The following ANKRD11 variants were observed in gnomAD, a reference collection of about 807,000 sequenced individuals.
ANKRD11 encodes ankyrin repeat domain 11.
In ANKRD11, 17 loss-of-function variants were observed where a neutral mutation model predicts 195.7. The observed-to-expected ratio is 0.09, with a 90% CI of 0.06 to 0.13. ANKRD11 has a LOEUF of 0.13. Ranked by LOEUF, ANKRD11 falls within the 10% of genes least tolerant of loss-of-function variation. The pLI, the probability that ANKRD11 is intolerant of heterozygous loss-of-function variation, is 1.00. For synonymous variants in ANKRD11, 1,953 were observed against 1,528.1 expected, an observed-to-expected ratio of 1.28 and a Z score of -6.49; for missense variants, 3,735 against 3,566.1, an observed-to-expected ratio of 1.05 and a Z score of -1.21.
At position 89,319,892 on chromosome 16, in the gene ANKRD11, G is replaced by C. The variant is rs192235791; in HGVS notation, c.-59-2814C>G. The C allele has an allele frequency of 4.1e-3, 625 of 152,722 alleles. 11 individuals are homozygous for C. Among genetic ancestry groups the C allele is most frequent in the South Asian group, 0.036 (176 of 4,838 alleles). The allele number at this position is 152,722 out of a possible 1,614,324, so 9.5% of individuals were successfully genotyped here. On this transcript the variant is annotated intron_variant, in intron 2 of 12. Transcript: ENST00000301030. ...ACTTGCCATCCCAGTCCTCCCAGAA[G>C]CTGCCCTGGTGATGCCTCTGGCACC...
chr16:89,479,942 C>CAA (rs1184052902), intron 1 of ANKRD11, among the ~76,000 whole-genome samples: 13 of 73,324 alleles, frequency 1.8e-4, no homozygotes, highest in East Asian at 7.5e-4. Flanking sequence ...GACTCCATCT[C>CAA]AAAAAAAAAA....
In ANKRD11 at chr16:89,279,724, C is replaced by T; in HGVS notation, c.6818G>A (p.Gly2273Asp). Reference sequence around the variant, plus strand: ...TTGTGCCACAGTGTTCGGGGCGGGGCCGTCAGGGGCACAGAGGGACGCGGC... The same window carrying T: ...TTGTGCCACAGTGTTCGGGGCGGGGTCGTCAGGGGCACAGAGGGACGCGGC... The part of the protein sequence containing the change: ...PPAASLCAPD[G>D]PAPNTVAQAQ... The change falls in exon 9 of 13, where the codon GGC becomes GAC. Residue 2273 changes from glycine to aspartate, a missense_variant. By Grantham distance (94) the Gly-to-Asp change is moderately conservative. Coordinates refer to ENST00000301030, the MANE Select transcript of ANKRD11 (RefSeq NM_013275.6). The surrounding 1 kb of genome is among the most constrained non-coding windows in gnomAD (Gnocchi z 5.6). 6.5e-7 allele frequency: 1 copy of T among 1,535,842 alleles called. No individual in the cohort carries two copies. The highest frequency in any genetic ancestry group is 8.7e-7 in the Non-Finnish European group (1 of 1,146,308).
intron 1 of ANKRD11, among the ~76,000 whole-genome samples, chr16:89,455,715 G>A (rs2056405831): frequency 6.6e-6 from 1 of 152,116 alleles, no homozygotes; most frequent in South Asian, 2.1e-4. Flanking sequence ...CCCATTGCTG[G>A]TACAAAAGAG....
intron 2 of ANKRD11, among the ~76,000 whole-genome samples, chr16:89,354,898 C>T (rs2039398699): frequency 1.3e-5 from 2 of 152,106 alleles, no homozygotes; most frequent in South Asian, 4.1e-4. Flanking sequence ...CAAACAAAGG[C>T]TGTGAGTGGC....
At chr16:89,376,474 G>A (rs534833279) in intron 2 of ANKRD11, among the ~76,000 whole-genome samples, 28 of 152,136 alleles carry the variant, frequency 1.8e-4, no homozygotes, top group South Asian at 6.2e-4. Context: ...CTCTTGTTCC[G>A]TCACCCAGGC....
intron 2 of ANKRD11, chr16:89,320,405 C>G (rs2037234569): frequency 6.6e-6 from 1 of 152,252 alleles, no homozygotes; most frequent in Admixed American, 6.5e-5. Flanking sequence ...CTTGAATCAG[C>G]AGGAAACTGA....
chr16:89,486,144 G>A (rs1016412359), intron 1 of ANKRD11, among the ~76,000 whole-genome samples: 1 of 152,054 alleles, frequency 6.6e-6, no homozygotes, highest in Non-Finnish European at 1.5e-5. Flanking sequence ...AGTTATAAAA[G>A]CAAACTTGTA....
At chr16:89,439,224 T>A (rs1436708104) in intron 1 of ANKRD11, among the ~76,000 whole-genome samples, 2 of 152,188 alleles carry the variant, frequency 1.3e-5, no homozygotes, top group African/African-American at 4.8e-5. Context: ...TTCAGTAAAC[T>A]GAAAACTTTT....
chr16:89,317,683 C>A (rs1308394158), intron 2 of ANKRD11, among the ~76,000 whole-genome samples: 1 of 152,206 alleles, frequency 6.6e-6, no homozygotes, highest in African/African-American at 2.4e-5. Flanking sequence ...GAAGCAGACG[C>A]CCCCTCGGGC....
intron 1 of ANKRD11, among the ~76,000 whole-genome samples, chr16:89,473,896 T>C (rs1405778350): frequency 6.6e-6 from 1 of 152,174 alleles, no homozygotes; most frequent in East Asian, 1.9e-4. Flanking sequence ...CTGGGTTGCA[T>C]TAGGTGGCAA....
chr16:89,366,959 A>C (rs2039974327), intron 2 of ANKRD11, among the ~76,000 whole-genome samples: 1 of 152,224 alleles, frequency 6.6e-6, no homozygotes, highest in African/African-American at 2.4e-5. Context: ...AGACAGACCC[A>C]CAGGCTGGAT....
intron 2 of ANKRD11, among the ~76,000 whole-genome samples, chr16:89,332,497 G>C (rs1028295724): frequency 2.0e-5 from 3 of 152,200 alleles, no homozygotes; most frequent in South Asian, 4.1e-4. Context: ...CAAGACAAAT[G>C]CAAGAAAACA....
intron 1 of ANKRD11, among the ~76,000 whole-genome samples, chr16:89,476,523 C>G (rs2057263823): frequency 6.6e-6 from 1 of 152,292 alleles, no homozygotes; most frequent in East Asian, 1.9e-4. Flanking sequence ...ACAGGCAGAC[C>G]CAACGCCTAC....
At chr16:89,432,944 A>ATC (rs56770747) in intron 1 of ANKRD11, among the ~76,000 whole-genome samples, 5,275 of 108,594 alleles carry the variant, frequency 0.049, 155 homozygotes, top group African/African-American at 0.062. Context: ...CAGAGACCCT[A>ATC]TCTCTCTCTC....
intron 2 of ANKRD11, among the ~76,000 whole-genome samples, chr16:89,380,477 T>G (rs1468108328): frequency 6.6e-6 from 1 of 152,136 alleles, no homozygotes; most frequent in Non-Finnish European, 1.5e-5. Flanking sequence ...TCAGATAGCT[T>G]CCTTGGGGCT....
chr16:89,341,099 G>A (rs1174872408), intron 2 of ANKRD11, among the ~76,000 whole-genome samples: 1 of 152,176 alleles, frequency 6.6e-6, no homozygotes, highest in Non-Finnish European at 1.5e-5. Context: ...CCCAAGTCAT[G>A]TGGACTGTTT....
intron 2 of ANKRD11, among the ~76,000 whole-genome samples, chr16:89,365,765 A>C (rs1380282130): frequency 6.6e-6 from 1 of 151,994 alleles, no homozygotes; most frequent in Non-Finnish European, 1.5e-5. Context: ...TACGTAGGTA[A>C]ACTTGTGTCA....
At chr16:89,412,795 A>G (rs974643401) in intron 2 of ANKRD11, among the ~76,000 whole-genome samples, 17 of 152,208 alleles carry the variant, frequency 1.1e-4, no homozygotes, top group Non-Finnish European at 2.1e-4. Flanking sequence ...GTAGTTAACA[A>G]AAGAAATACA....
At chr16:89,297,423 G>A (rs879729731) in intron 4 of ANKRD11, 3 of 152,154 alleles carry the variant, frequency 2.0e-5, no homozygotes, top group South Asian at 2.1e-4. Context: ...TTTGTAGCAC[G>A]GCTGCTGCTC....
Sources: allele counts gnomAD v4.1 joint callset (sites outside exome capture counted in the v4.1 genomes callset), GRCh38; gene constraint gnomAD v4.1.1; non-coding constraint Gnocchi (gnomAD v3.1); transcripts MANE v1.5; gene names NCBI Gene and HGNC (gene_info 2026-07-23, HGNC 2026-07-21).